FGD5: variants seen among roughly 807,000 people sequenced by gnomAD.
The protein encoded by FGD5 is FYVE, RhoGEF and PH domain containing 5.
Under a neutral mutation model 133.4 loss-of-function variants are expected in FGD5, and 28 were observed. That is an observed-to-expected ratio of 0.21 (90% CI 0.16 to 0.29). The LOEUF is 0.29. Ranked by LOEUF, FGD5 falls within the 10% of genes least tolerant of loss-of-function variation. The pLI is 1.00. For synonymous variants in FGD5, 810 were observed against 776.5 expected (o/e 1.04, Z -0.72); for missense variants, 1,858 against 1,895.2 (o/e 0.98, Z 0.36).
At chr3:14,816,719 G>A (rs11712199), upstream of FGD5, among the ~76,000 whole-genome samples, 12,291 of 152,256 alleles carry the variant, frequency 0.081, 747 homozygotes, top group East Asian at 0.3. Flanking sequence ...TCTAAACTAG[G>A]ACACACGTGA....
chr3:14,923,051 G>A lies in FGD5; in HGVS notation c.3813G>A (p.Val1271=). The change falls in exon 16 of 20, where the codon GTG becomes GTA. Residue 1271 remains valine (V), a synonymous_variant. Coordinates refer to ENST00000285046, the MANE Select transcript of FGD5 (RefSeq NM_152536.4). Reference sequence around the variant, plus strand: ...CTTCCCACCTGGGCCTGCAGATCGTGTGCCGGAACTGTTCGCGGAACAAGT... The same window carrying A: ...CTTCCCACCTGGGCCTGCAGATCGTATGCCGGAACTGTTCGCGGAACAAGT... ...RHHCHACGKI[V]CRNCSRNKYP... is the part of the protein sequence containing the mutation. 1 of 1,613,858 alleles carries A rather than the reference G, an allele frequency of 6.2e-7. No individual in the cohort carries two copies. The highest frequency in any genetic ancestry group is 8.5e-7 in the Non-Finnish European group (1 of 1,179,846).
At chr3:14,841,416 T>G (rs779337161) in intron 1 of FGD5, among the ~76,000 whole-genome samples, 14 of 152,182 alleles carry the variant, frequency 9.2e-5, no homozygotes, top group Admixed American at 2.0e-4. Context: ...GGGGAGCCGC[T>G]GGGTTAAATG....
chr3:14,887,805 G>A (rs1160940112), intron 4 of FGD5, among the ~76,000 whole-genome samples: 2 of 152,108 alleles, frequency 1.3e-5, no homozygotes, highest in East Asian at 1.9e-4. Context: ...CCAGGTGGGG[G>A]TGCAGTGAAG....
chr3:14,821,463 G>A lies in FGD5; in HGVS notation c.2392G>A (p.Gly798Ser), dbSNP rs1266604563. ...TCCACCCCGGAGACCTGCCAGGGCT[G>A]GCGCGTTCACGAAGCTGTTTGAAGA... ...QIPPRRPARA[G>S]AFTKLFEDQS... Residue 798 changes from glycine (G) to serine (S), a missense_variant, in exon 1 of 20, where the codon GGC becomes AGC. Gly to Ser is a moderately conservative substitution (Grantham distance 56). Transcript: ENST00000285046. 9 of 1,614,032 alleles carry A rather than the reference G, an allele frequency of 5.6e-6. No homozygotes were observed. In the East Asian group the frequency reaches 1.8e-4, roughly 32 times the overall value.
chr3:14,839,664 G>A (rs2036880325), intron 1 of FGD5, among the ~76,000 whole-genome samples: 2 of 152,138 alleles, frequency 1.3e-5, no homozygotes, highest in South Asian at 2.1e-4. Flanking sequence ...CAGGCGCAGT[G>A]GCTCACACCT....
At chr3:14,880,891 G>C in intron 4 of FGD5, 119 bp downstream of exon 4, 1 of 1,316,644 alleles carries the variant, frequency 7.6e-7, no homozygotes, top group Non-Finnish European at 1.1e-6. Context: ...CTGGCAGCAG[G>C]CAGGCACTCA....
Position 14,819,933 on chromosome 3 carries a change from G to A in FGD5, c.862G>A (p.Gly288Arg), listed in dbSNP as rs749345174. ...TGAAGAGGCCACGGGTGTCACAGGT[G>A]GGGAACAGGTTGACCTCAGTGAACC... Reference protein sequence around the residue: ...GCEEATGVTGGEQVDLSEPPD... With the variant: ...GCEEATGVTGREQVDLSEPPD... The change falls in exon 1 of 20, where the codon GGG becomes AGG. Residue 288 changes from glycine (G) to arginine (R), a missense_variant. Gly to Arg is a moderately radical substitution (Grantham distance 125, BLOSUM62 -2). Transcript: ENST00000285046. This position sits in a 1 kb window ranked among gnomAD's most constrained non-coding sequence, Gnocchi z 4.1. 5.6e-6 allele frequency: 9 copies of A among 1,613,804 alleles called. No homozygotes were observed. Among genetic ancestry groups the A allele is most frequent in the East Asian group, 2.2e-5 (1 of 44,886 alleles).
chr3:14,915,955 G>A (rs1167229590), intron 11 of FGD5, among the ~76,000 whole-genome samples: 2 of 152,134 alleles, frequency 1.3e-5, no homozygotes, highest in East Asian at 1.9e-4. Flanking sequence ...ATTTGTACAG[G>A]GCTCACCCTG....
Position 14,880,599 on chromosome 3 carries a change from A to G in FGD5, c.2686A>G (p.Ile896Val), listed in dbSNP as rs757337808. 3.1e-6 allele frequency: 5 copies of G among 1,613,952 alleles called. No homozygotes were observed. The East Asian group carries it at 8.9e-5, about 29-fold the overall frequency. Reference sequence around the variant, plus strand: ...GGAAGGACAGTCCAGAGCCCTTGTCATCGCACAGGAACTGCTATCTTCAGA... The same window carrying G: ...GGAAGGACAGTCCAGAGCCCTTGTCGTCGCACAGGAACTGCTATCTTCAGA... ...KVEGQSRALV[I>V]AQELLSSEKA... The change falls in exon 3 of 20, where the codon ATC becomes GTC. Residue 896 changes from isoleucine (I) to valine (V), a missense_variant. This residue lies in a region of FGD5 where 1,824 missense variants were observed against 1,848.9 expected (regional missense o/e 0.99). Coordinates refer to ENST00000285046, the MANE Select transcript of FGD5 (RefSeq NM_152536.4).
Position 14,889,175 on chromosome 3 carries a change from G to A in FGD5, c.2749-8334G>A, listed in dbSNP as rs145296253. 1.9e-4 allele frequency among the ~76,000 whole-genome samples: 29 copies of A among 152,264 alleles called. No homozygotes were observed. The East Asian group carries it at 3.3e-3, about 17-fold the overall frequency. On this transcript the variant is annotated intron_variant, in intron 4 of 19. Transcript: ENST00000285046. ...GAGGTGAAAAAAATGGGGAGCGCTT[G>A]CTTGTCTTCCCTCCCCCAGGGGCGT...
chr3:14,871,852 C>T (rs1419966468), intron 2 of FGD5, among the ~76,000 whole-genome samples: 1 of 152,260 alleles, frequency 6.6e-6, no homozygotes, highest in Non-Finnish European at 1.5e-5. Context: ...ACAGATGATA[C>T]TCAGTCTTGC....
At chr3:14,906,673 C>A (rs2038348511) in intron 9 of FGD5, among the ~76,000 whole-genome samples, 1 of 152,238 alleles carries the variant, frequency 6.6e-6, no homozygotes, top group Non-Finnish European at 1.5e-5. Flanking sequence ...CCAGCCCACA[C>A]CTGTCCTTTG....
At chr3:14,916,420 G>A (rs2038554738) in intron 11 of FGD5, among the ~76,000 whole-genome samples, 1 of 152,180 alleles carries the variant, frequency 6.6e-6, no homozygotes, top group Non-Finnish European at 1.5e-5. Flanking sequence ...TGTGGGGAGA[G>A]CTTTAGTTGT....
chr3:14,820,818 C>T lies in FGD5; in HGVS notation c.1747C>T (p.Leu583Phe). The T allele has an allele frequency of 6.2e-7, 1 of 1,613,838 alleles. No homozygotes were observed. Residue 583 changes from leucine to phenylalanine, a missense_variant, in exon 1 of 20, where the codon CTC becomes TTC. By Grantham distance (22) the Leu-to-Phe change is conservative. Coordinates refer to ENST00000285046, the MANE Select transcript of FGD5 (RefSeq NM_152536.4). Reference sequence around the variant, plus strand: ...CAGGATAAAGAGGAAAGAGGACAATCTCTCTCTGTCGTGTGTAATTGGCTC... The same window carrying T: ...CAGGATAAAGAGGAAAGAGGACAATTTCTCTCTGTCGTGTGTAATTGGCTC... ...DHRIKRKEDNLSLSCVIGSSG... is the reference protein window; with the variant it reads ...DHRIKRKEDNFSLSCVIGSSG...
chr3:14,907,530 T>A lies in FGD5; in HGVS notation c.3265-110T>A, dbSNP rs1229059142. On this transcript the variant is annotated intron_variant, in intron 9 of 19. Coordinates refer to ENST00000285046, the MANE Select transcript of FGD5 (RefSeq NM_152536.4). ...GGAGGTTGGATTTGGGGCAGGCCTT[T>A]CCGGGCTTCATTTTTGTCTGAAACA... 4.0e-6 allele frequency: 4 copies of A among 1,001,738 alleles called. No homozygotes were observed. In the East Asian group the frequency reaches 1.1e-4, roughly 27 times the overall value. 62.1% of individuals were successfully genotyped at this position (1,001,738 alleles called of 1,614,324 possible).
At position 14,864,191 on chromosome 3, in the gene FGD5, G is replaced by A. The variant is rs748272681; in HGVS notation, c.2589G>A (p.Thr863=). ...ISSAAPKEDL[T]SDEEQRSSEE... ...CGGCAGCCCCCAAAGAGGACCTTAC[G>A]TCGGATGAAGAGCAGAGAAGCTCGG... The change falls in exon 2 of 20, where the codon ACG becomes ACA. Residue 863 remains threonine (T), a synonymous_variant. Transcript: ENST00000285046. 18 of 1,613,972 alleles carry A rather than the reference G, an allele frequency of 1.1e-5. No individual in the cohort carries two copies. The highest frequency in any genetic ancestry group is 3.3e-4 in the Middle Eastern group (2 of 6,062).
chr3:14,919,630 AAAAC>A (rs1413888585), intron 13 of FGD5, among the ~76,000 whole-genome samples: 1 of 152,070 alleles, frequency 6.6e-6, no homozygotes, highest in Non-Finnish European at 1.5e-5. Context: ...AACAAAAACA[AAAAC>A]AAAAACAAAA....
chr3:14,867,220 GT>G, intron 2 of FGD5, among the ~76,000 whole-genome samples: 1 of 152,134 alleles, frequency 6.6e-6, no homozygotes. Flanking sequence ...TGGATTTGTT[GT>G]TTTTACATAT....
chr3:14,874,953 C>T (rs1022159262), intron 2 of FGD5, among the ~76,000 whole-genome samples: 1 of 152,172 alleles, frequency 6.6e-6, no homozygotes, highest in Non-Finnish European at 1.5e-5. Flanking sequence ...CTGGCAGGCA[C>T]TCACTCTCCT....
Sources: allele counts gnomAD v4.1 joint callset (sites outside exome capture counted in the v4.1 genomes callset), GRCh38; gene constraint gnomAD v4.1.1; regional missense constraint gnomAD v4.1.1; non-coding constraint Gnocchi (gnomAD v3.1); transcripts MANE v1.5; gene names NCBI Gene and HGNC (gene_info 2026-07-23, HGNC 2026-07-21).